The following ABCA9 variants were observed in gnomAD, a reference collection of about 807,000 sequenced individuals.
ABCA9 encodes the protein ATP binding cassette subfamily A member 9, also known as ATP-binding cassette sub-family A member 9.
A neutral mutation model predicts 205.3 loss-of-function variants in ABCA9; 183 were observed. The observed-to-expected ratio is 0.89, with a 90% CI of 0.79 to 1.01. The LOEUF is 1.01. Ranked by LOEUF, ABCA9 falls within the 50% of genes least tolerant of loss-of-function variation. The probability of loss-of-function intolerance (pLI) is 0.00; values close to 1 mark genes in which losing one functional copy is unlikely to be tolerated. For missense variants in ABCA9, 1,805 were observed against 1,912.4 expected (o/e 0.94, Z 1.05); for synonymous variants, 651 against 683.3 (o/e 0.95, Z 0.74).
chr17:68,985,648 A>C (rs2069207671), intron 32 of ABCA9, among the ~76,000 whole-genome samples: 1 of 151,732 alleles, frequency 6.6e-6, no homozygotes, highest in Non-Finnish European at 1.5e-5. Flanking sequence ...AAAACCAAGA[A>C]TAATCAGTCT....
At chr17:68,977,163 A>T (rs2068912122) in intron 37 of ABCA9, among the ~76,000 whole-genome samples, 1 of 152,174 alleles carries the variant, frequency 6.6e-6, no homozygotes, top group Non-Finnish European at 1.5e-5. Flanking sequence ...GGAAAGGGAA[A>T]GGGGTTTCAA....
rs778351981 is a variant in ABCA9, at chr17:68,989,829, A to G, written c.3939T>C (p.Ser1313=). The G allele has an allele frequency of 1.3e-6, 2 of 1,594,428 alleles. No homozygotes were observed. Among genetic ancestry groups the G allele is most frequent in the Admixed American group, 3.4e-5 (2 of 59,648 alleles). ...RKKKIATRNV[S]FCVKKGEVIG... is the part of the protein sequence containing the mutation. ...GTTTCCAACCTTTTTTAACACAAAA[A>G]GAGACATTTCTTGTGGCAATTTTTT... The change falls in exon 30 of 39, where the codon TCT becomes TCC. Residue 1313 remains serine, a synonymous_variant. Transcript: ENST00000340001.
chr17:69,041,319 A>G (rs1370984423), intron 6 of ABCA9, among the ~76,000 whole-genome samples: 1 of 152,034 alleles, frequency 6.6e-6, no homozygotes, highest in African/African-American at 2.4e-5. Flanking sequence ...TTATGAGAGG[A>G]AAAAAAATGC....
intron 10 of ABCA9, among the ~76,000 whole-genome samples, chr17:69,031,016 C>T (rs773615607): frequency 3.0e-4 from 45 of 152,150 alleles, no homozygotes; most frequent in Non-Finnish European, 5.0e-4. Context: ...GACTGGCAGT[C>T]TTGAGTAGCC....
At chr17:69,026,882 A>C in intron 15 of ABCA9, 94 bp downstream of exon 15, 1 of 1,450,848 alleles carries the variant, frequency 6.9e-7, no homozygotes, top group Non-Finnish European at 9.3e-7. Flanking sequence ...GGGCCATGGC[A>C]GTTCCAGGGA....
At chr17:69,031,982 G>A (rs533543632) in intron 10 of ABCA9, 126 bp downstream of exon 10, 2 of 771,094 alleles carry the variant, frequency 2.6e-6, no homozygotes, top group African/African-American at 3.4e-5. Flanking sequence ...TTTGATGAGT[G>A]CAGCAGGCTG....
the ABCA9 span, among the ~76,000 whole-genome samples, chr17:69,070,211 G>C: frequency 1.3e-5 from 2 of 151,930 alleles, no homozygotes; most frequent in East Asian, 1.9e-4. Context: ...TACATAAAAT[G>C]CTTATATAAT....
At chr17:69,065,747 G>A (rs541826021), upstream of ABCA9, among the ~76,000 whole-genome samples, 52 of 152,152 alleles carry the variant, frequency 3.4e-4, no homozygotes, top group East Asian at 3.9e-4. Context: ...CAGTTTGGCC[G>A]TGTCCCCCCG....
At chr17:69,022,676 T>C (rs1052869750) in intron 17 of ABCA9, among the ~76,000 whole-genome samples, 3 of 152,148 alleles carry the variant, frequency 2.0e-5, no homozygotes, top group South Asian at 4.1e-4. Flanking sequence ...CCCATAAATA[T>C]GTAAAGTTTT....
In ABCA9 at chr17:69,008,151, A is replaced by C; in HGVS notation, c.3232T>G (p.Tyr1078Asp). The change falls in exon 24 of 39, where the codon TAC (tyrosine) becomes GAC (aspartate). Residue 1078 changes from tyrosine (Y) to aspartate (D), a missense_variant. Coordinates refer to ENST00000340001, the MANE Select transcript of ABCA9 (RefSeq NM_080283.4). ...TGCATTAGCAGGAGGATCAAAAAGT[A>C]CAGGGAAACATCCACCAGTGCTTGG... ...FGQALVDVSL[Y>D]FLILLLMQIM... The C allele has an allele frequency of 6.2e-7, 1 of 1,613,604 alleles. No individual in the cohort carries two copies. The highest frequency in any genetic ancestry group is 8.5e-7 in the Non-Finnish European group (1 of 1,179,468).
At chr17:69,039,779 T>C (rs1271093697) in intron 6 of ABCA9, among the ~76,000 whole-genome samples, 1 of 152,128 alleles carries the variant, frequency 6.6e-6, no homozygotes, top group Admixed American at 6.5e-5. Flanking sequence ...ACCTACAGAA[T>C]GGGAGAAAGT....
At position 69,035,687 on chromosome 17, in the gene ABCA9, G is replaced by A; in HGVS notation, c.915C>T (p.Thr305=). The A allele has an allele frequency of 1.3e-6, 2 of 1,596,954 alleles. No individual in the cohort carries two copies. The highest frequency in any genetic ancestry group is 8.6e-7 in the Non-Finnish European group (1 of 1,165,774). ...VVLTGFVMVF[T]LFLLYGLSLI... ...AAGACAGGCCATAGAGGAGAAAGAG[G>A]GTGAAGACCATCACAAAACCAGTCA... The change falls in exon 7 of 39, where the codon ACC becomes ACT. Residue 305 remains threonine, a synonymous_variant. Coordinates refer to ENST00000340001, the MANE Select transcript of ABCA9 (RefSeq NM_080283.4).
rs903192494 is a variant in ABCA9, at chr17:69,026,551, T to C, written c.2051-84A>G. On this transcript the variant is annotated intron_variant, in intron 15 of 38. Coordinates refer to ENST00000340001, the MANE Select transcript of ABCA9 (RefSeq NM_080283.4). ...AAAACACAAATCTATTAACAATGTA[T>C]TGTAGCAGCATGACACACTAAAATA... 3 of 1,229,722 alleles carry C rather than the reference T, an allele frequency of 2.4e-6. No homozygotes were observed. In the Admixed American group the frequency reaches 5.3e-5, roughly 22 times the overall value. The allele number at this position is 1,229,722 out of a possible 1,614,324, so 76.2% of individuals were successfully genotyped here.
At chr17:69,012,207 A>G (rs1270679314) in intron 22 of ABCA9, 124 bp from the exon 23 acceptor site, 5 of 610,370 alleles carry the variant, frequency 8.2e-6, no homozygotes, top group South Asian at 2.4e-5. Context: ...TCAAGGTCCT[A>G]TATGCAACTT....
upstream of ABCA9, among the ~76,000 whole-genome samples, chr17:69,063,281 C>A (rs184922531): frequency 3.3e-5 from 5 of 152,278 alleles, no homozygotes; most frequent in Admixed American, 2.0e-4. Flanking sequence ...TGCCAGAAAC[C>A]TTATAAATTT....
chr17:68,996,392 G>T (rs747657299), intron 25 of ABCA9, among the ~76,000 whole-genome samples: 3 of 151,984 alleles, frequency 2.0e-5, no homozygotes, highest in Non-Finnish European at 2.9e-5. Context: ...TGTTTTCTTG[G>T]CAATTATTTG....
At chr17:69,059,984 C>T (rs985672547) in intron 1 of ABCA9, among the ~76,000 whole-genome samples, 12 of 152,126 alleles carry the variant, frequency 7.9e-5, no homozygotes, top group African/African-American at 1.7e-4. Context: ...GGTGATAAAC[C>T]TCAGTATCTG....
chr17:69,075,623 A>G, the ABCA9 span, among the ~76,000 whole-genome samples: 11 of 152,134 alleles, frequency 7.2e-5, no homozygotes, highest in Non-Finnish European at 1.2e-4. Flanking sequence ...TACAAGTATC[A>G]TGCTGTTTTG....
intron 1 of ABCA9, among the ~76,000 whole-genome samples, chr17:69,057,766 G>A (rs759250488): frequency 6.6e-6 from 1 of 152,068 alleles, no homozygotes; most frequent in Admixed American, 6.5e-5. Context: ...TTGTGGATTC[G>A]ACCAACTGGC....
Sources: allele counts gnomAD v4.1 joint callset (sites outside exome capture counted in the v4.1 genomes callset), GRCh38; gene constraint gnomAD v4.1.1; transcripts MANE v1.5; gene names NCBI Gene and HGNC (gene_info 2026-07-23, HGNC 2026-07-21).